The following SECISBP2 variants were observed in gnomAD, a reference collection of about 807,000 sequenced individuals.
SECISBP2 encodes selenocysteine insertion sequence-binding protein 2.
SECISBP2 carries 96 observed loss-of-function variants against 98.2 expected under a neutral mutation model. The observed-to-expected ratio is 0.98, with a 90% CI of 0.83 to 1.16. The LOEUF (loss-of-function observed/expected upper bound fraction) is 1.16. Ranked by LOEUF, SECISBP2 falls within the 50% of genes most tolerant of loss-of-function variation. SECISBP2 has a pLI of 0.00. For synonymous variants in SECISBP2, 407 were observed against 370.2 expected (o/e 1.10, Z -1.14); for missense variants, 1,046 against 1,022.9 (o/e 1.02, Z -0.31).
At chr9:89,333,553 C>T (rs984058485) in intron 6 of SECISBP2, among the ~76,000 whole-genome samples, 1 of 152,172 alleles carries the variant, frequency 6.6e-6, no homozygotes, top group Admixed American at 6.5e-5. Flanking sequence ...CACGGTCCTG[C>T]CTCATACAGC....
chr9:89,356,856 A>G, intron 14 of SECISBP2: 1 of 172,388 alleles, frequency 5.8e-6, no homozygotes, highest in South Asian at 1.4e-4. Flanking sequence ...TGTATTTCTC[A>G]TGCTGTTAGG....
chr9:89,328,925 A>G lies in SECISBP2; in HGVS notation c.801+39A>G, dbSNP rs1827249289. 4.1e-6 allele frequency: 6 copies of G among 1,479,764 alleles called. No individual in the cohort carries two copies. In the South Asian group the frequency reaches 4.6e-5, roughly 11 times the overall value. The allele number at this position is 1,479,764 out of a possible 1,614,324, so 91.7% of individuals were successfully genotyped here. On this transcript the variant is annotated intron_variant, in intron 5 of 16. Coordinates refer to ENST00000375807, the MANE Select transcript of SECISBP2 (RefSeq NM_024077.5). ...TTCTCTCTTTTTCTTTTTCCTTTGT[A>G]CACTTTAAATTGTCTCATTTCAAAC...
chr9:89,326,986 C>T (rs1408372105), intron 4 of SECISBP2, among the ~76,000 whole-genome samples: 1 of 152,074 alleles, frequency 6.6e-6, no homozygotes, highest in African/African-American at 2.4e-5. Flanking sequence ...CACGGTGAAA[C>T]CCCGTCTCAA....
At chr9:89,358,685 T>C (rs749834338) in intron 16 of SECISBP2, 36 bp from the exon 17 acceptor site, 2 of 1,374,282 alleles carry the variant, frequency 1.5e-6, no homozygotes, top group South Asian at 2.3e-5. Flanking sequence ...TACTTGTTGA[T>C]GCCTATTCCT....
At position 89,348,098 on chromosome 9, in the gene SECISBP2, A is replaced by G. The variant is rs768062872; in HGVS notation, c.1622A>G (p.Gln541Arg). Residue 541 changes from glutamine to arginine, a missense_variant, in exon 12 of 17, where the codon CAA (glutamine) becomes CGA (arginine). Physicochemically the swap from Gln to Arg is conservative, Grantham distance 43. Coordinates refer to ENST00000375807, the MANE Select transcript of SECISBP2 (RefSeq NM_024077.5). ...SLKKIILKER[Q>R]ERKQRLQENA... ...TTTAAGATTATTTTGAAAGAACGGC[A>G]AGAGAGAAAGCAGCGTCTCCAAGAA... The G allele has an allele frequency of 6.2e-7, 1 of 1,613,736 alleles. No homozygotes were observed. Among genetic ancestry groups the G allele is most frequent in the Admixed American group, 1.7e-5 (1 of 60,032 alleles).
the SECISBP2 span, among the ~76,000 whole-genome samples, chr9:89,366,255 C>T: frequency 6.6e-6 from 1 of 152,216 alleles, no homozygotes; most frequent in Non-Finnish European, 1.5e-5. Flanking sequence ...GGCTGGGATG[C>T]TGGTGGTAAC....
intron 12 of SECISBP2, 62 bp downstream of exon 12, chr9:89,348,276 G>A (rs1830737462): frequency 1.3e-6 from 2 of 1,589,824 alleles, no homozygotes; most frequent in Non-Finnish European, 8.6e-7. Flanking sequence ...AAAAGGATGA[G>A]CTATGCTGAG....
At chr9:89,361,113 C>G (rs557823842), downstream of SECISBP2, 3 of 152,232 alleles carry the variant, frequency 2.0e-5, no homozygotes, top group Admixed American at 6.5e-5. Context: ...GTTCCGTGAG[C>G]AAGACTGGCA....
chr9:89,362,235 TC>T (rs1210150328), downstream of SECISBP2: 1 of 1,185,204 alleles, frequency 8.4e-7, no homozygotes, highest in Non-Finnish European at 1.2e-6. Context: ...TTCTCCACTG[TC>T]CCGCCTCTGC....
chr9:89,363,876 C>T (rs779521264), downstream of SECISBP2: 11 of 1,614,022 alleles, frequency 6.8e-6, no homozygotes, highest in Admixed American at 1.3e-4. Flanking sequence ...TCGGGCAGTG[C>T]ATGGGTCTGC....
intron 14 of SECISBP2, among the ~76,000 whole-genome samples, chr9:89,352,510 G>A (rs7040102): frequency 0.012 from 1,889 of 152,260 alleles, 41 homozygotes; most frequent in African/African-American, 0.043. Flanking sequence ...TTTGCACCTC[G>A]TGCTCTCTGG....
chr9:89,363,268 C>T (rs184834797), downstream of SECISBP2, among the ~76,000 whole-genome samples: 1,885 of 100,558 alleles, frequency 0.019, 39 homozygotes, highest in African/African-American at 0.06. Flanking sequence ...CGTGGGATTT[C>T]CCCCCCCAGT....
chr9:89,335,852 G>A lies in SECISBP2; in HGVS notation c.1089+1122G>A, dbSNP rs146300619. On this transcript the variant is annotated intron_variant, in intron 7 of 16. Transcript: ENST00000375807. ...ATTTTGAATTCTTTAAAGAAGAAAC[G>A]TTGGCATAAGTTTATGCTCTGGTGT... Among the ~76,000 whole-genome samples the A allele has an allele frequency of 5.8e-4, 88 of 152,154 alleles. No individual in the cohort carries two copies. In the East Asian group the frequency reaches 7.3e-3, roughly 13 times the overall value.
chr9:89,355,664 G>A (rs549681199), intron 14 of SECISBP2: 2 of 595,036 alleles, frequency 3.4e-6, no homozygotes, highest in African/African-American at 4.0e-5. Flanking sequence ...TTGCATCTAG[G>A]TATTGTGTTA....
At chr9:89,347,331 A>C (rs1413980603) in intron 11 of SECISBP2, among the ~76,000 whole-genome samples, 5 of 152,048 alleles carry the variant, frequency 3.3e-5, no homozygotes, top group African/African-American at 1.2e-4. Context: ...AAATGGGAGG[A>C]GTTGCATTTT....
At chr9:89,334,160 G>C (rs771592931) in intron 6 of SECISBP2, 24 of 1,174,192 alleles carry the variant, frequency 2.0e-5, no homozygotes, top group Non-Finnish European at 2.3e-5. Flanking sequence ...TTCAAGGTTA[G>C]TAGGGCCAAA....
At chr9:89,362,262 C>T, downstream of SECISBP2, 1 of 1,457,306 alleles carries the variant, frequency 6.9e-7, no homozygotes, top group Non-Finnish European at 9.6e-7. Flanking sequence ...AGGTGGTGGC[C>T]CAATGGCTGT....
In SECISBP2 at chr9:89,328,891, G is replaced by A. The variant is rs779432748; in HGVS notation, c.801+5G>A. On this transcript the variant is annotated splice_donor_5th_base_variant and intron_variant, in intron 5 of 16. Transcript: ENST00000375807. ...CCAGCTGCAGTGTTATCAAAGGTGA[G>A]GTGAGGGTTTCTCTCTTTTTCTTTT... 1 of 1,604,650 alleles carries A rather than the reference G, an allele frequency of 6.2e-7. No individual in the cohort carries two copies. The highest frequency in any genetic ancestry group is 8.5e-7 in the Non-Finnish European group (1 of 1,171,866).
chr9:89,355,094 T>C (rs1831867219), intron 14 of SECISBP2: 1 of 985,282 alleles, frequency 1.0e-6, no homozygotes, highest in Non-Finnish European at 1.2e-6. Flanking sequence ...GTTTAGAAAT[T>C]AATCTCCTAT....
Sources: gnomAD v4.1 joint callset for allele counts (sites outside exome capture counted in the v4.1 genomes callset) on GRCh38, gnomAD v4.1.1 for gene constraint, MANE v1.5 for transcripts, NCBI Gene and HGNC (gene_info 2026-07-23, HGNC 2026-07-21) for gene names.